Variants in NFYB observed in about 807,000 individuals in gnomAD.
The protein encoded by NFYB is nuclear transcription factor Y subunit beta, also known as CAAT box DNA-binding protein subunit B.
In NFYB, 13 loss-of-function variants were observed where a neutral mutation model predicts 28.0. The observed-to-expected ratio is 0.46, with a 90% confidence interval of 0.30 to 0.74. The LOEUF is 0.74. Ranked by LOEUF, NFYB falls within the 30% of genes least tolerant of loss-of-function variation. The pLI is 0.07. For missense variants in NFYB, 142 were observed against 247.6 expected (o/e 0.57, Z 2.86); for synonymous variants, 74 against 75.0 (o/e 0.99, Z 0.07).
rs2031073628 is a variant in NFYB at position 104,135,652 on chromosome 12, A to G, written c.-79-120T>C. ...GAGGGCTTGTATAATTTTGACTACT[A>G]TTCTTAATCAATGGAGTACATGGTA... On this transcript the variant is annotated intron_variant, in intron 1 of 7. Coordinates refer to ENST00000240055, the MANE Select transcript of NFYB (RefSeq NM_006166.4). 2.1e-5 allele frequency: 9 copies of G among 423,192 alleles called. No homozygotes were observed. In the South Asian group the frequency reaches 3.9e-4, roughly 19 times the overall value. 26.2% of individuals were successfully genotyped at this position (423,192 alleles called of 1,614,324 possible). A position where few individuals can be genotyped will look rare whatever the true frequency, so the allele number is the denominator to read the frequency against.
chr12:104,128,055 G>A (rs1486861838), intron 3 of NFYB, among the ~76,000 whole-genome samples: 3 of 152,004 alleles, frequency 2.0e-5, no homozygotes, highest in African/African-American at 7.3e-5. Flanking sequence ...AATCATAAGT[G>A]CAAGAAATAT....
chr12:104,127,583 TAAAAAAA>T lies in NFYB; in HGVS notation c.100+834_100+840del, dbSNP rs71069718. 8.5e-5 allele frequency among the ~76,000 whole-genome samples: 7 copies of T among 82,482 alleles called. 1 individual carries two copies. The highest frequency in any genetic ancestry group is 2.9e-4 in the African/African-American group (6 of 20,940). 54.1% of individuals were successfully genotyped at this position (82,482 alleles called of 152,430 possible). On this transcript the variant is annotated intron_variant, in intron 3 of 7. Transcript: ENST00000240055. Reference sequence around the variant, plus strand: ...ACTCCATCTCAAAAAAAATAAAAAATAAAAAAAAAAAAAAAATTTTTTTTACAAACCA... The same window carrying T: ...ACTCCATCTCAAAAAAAATAAAAAATAAAAAAAAATTTTTTTTACAAACCA...
chr12:104,136,769 T>G (rs961669394), intron 1 of NFYB, among the ~76,000 whole-genome samples: 15 of 152,234 alleles, frequency 9.9e-5, no homozygotes, highest in African/African-American at 3.4e-4. Flanking sequence ...CCTCATATGG[T>G]GTATATTTTC....
chr12:104,128,484 G>T lies in NFYB; in HGVS notation c.40C>A (p.Gln14Lys). 1 of 1,612,876 alleles carries T rather than the reference G, an allele frequency of 6.2e-7. No individual in the cohort carries two copies. Among genetic ancestry groups the T allele is most frequent in the South Asian group, 1.1e-5 (1 of 90,998 alleles). ...DGDSSTTDASQLGISADYIGG... is the reference protein window; with the variant it reads ...DGDSSTTDASKLGISADYIGG... ...ATATAGTCTGCAGAGATTCCTAGTTGAGAAGCATCTGTTGTAGAACTGTCA... is the reference window on the plus strand; with the variant it reads ...ATATAGTCTGCAGAGATTCCTAGTTTAGAAGCATCTGTTGTAGAACTGTCA... Residue 14 changes from glutamine (Q) to lysine (K), a missense_variant, in exon 3 of 8, where the codon CAA (glutamine) becomes AAA (lysine). By Grantham distance (53) the Gln-to-Lys change is moderately conservative (BLOSUM62 1). Around this residue, in one of 2 missense-constraint regions of NFYB, gnomAD observed 54 missense variants for 58.1 expected, o/e 0.93. Transcript: ENST00000240055.
At position 104,118,024 on chromosome 12, in the gene NFYB, A is replaced by G. The variant is rs761419831; in HGVS notation, c.*1713T>C. 6.6e-6 allele frequency: 1 copy of G among 152,228 alleles called. No individual in the cohort carries two copies. Among genetic ancestry groups the G allele is most frequent in the Non-Finnish European group, 1.5e-5 (1 of 68,038 alleles). The allele number at this position is 152,228 out of a possible 1,614,324, so 9.4% of individuals were successfully genotyped here. A position where few individuals can be genotyped will look rare whatever the true frequency, so the allele number is the denominator to read the frequency against. ...GTCAAAATATCCAATAGAAGATTAA[A>G]TGAATTATGATTGAGTCATACAGCA... On this transcript the variant is annotated 3_prime_UTR_variant, in exon 8 of 8. Transcript: ENST00000240055.
intron 2 of NFYB, among the ~76,000 whole-genome samples, chr12:104,133,635 T>G (rs901362556): frequency 2.6e-5 from 4 of 152,264 alleles, no homozygotes; most frequent in African/African-American, 9.6e-5. Flanking sequence ...AAATGTAATC[T>G]TAGTATTGCC....
intron 4 of NFYB, 105 bp from the exon 5 acceptor site, chr12:104,123,528 C>A (rs944391332): frequency 2.4e-5 from 19 of 796,622 alleles, no homozygotes; most frequent in Non-Finnish European, 3.4e-5. Flanking sequence ...CACTTTATGA[C>A]TATTTAATCT....
intron 1 of NFYB, among the ~76,000 whole-genome samples, 170 bp from the exon 2 acceptor site, chr12:104,135,702 A>C (rs1021341162): frequency 3.3e-5 from 5 of 152,356 alleles, no homozygotes; most frequent in Non-Finnish European, 5.9e-5. Flanking sequence ...AAGGCACCCA[A>C]TAAATGTTTG....
intron 2 of NFYB, among the ~76,000 whole-genome samples, chr12:104,129,524 A>G (rs980306318): frequency 2.0e-5 from 3 of 152,166 alleles, no homozygotes; most frequent in African/African-American, 4.8e-5. Flanking sequence ...AGCCAAAAGT[A>G]CACCCATGTT....
At chr12:104,136,477 TTAAAAG>T (rs1426921348) in intron 1 of NFYB, among the ~76,000 whole-genome samples, 2 of 152,206 alleles carry the variant, frequency 1.3e-5, no homozygotes, top group Non-Finnish European at 2.9e-5. Flanking sequence ...TGCTATAATA[TTAAAAG>T]TAATTTATAA....
intron 6 of NFYB, among the ~76,000 whole-genome samples, chr12:104,120,910 TA>T (rs553073126): frequency 4.6e-5 from 7 of 151,988 alleles, no homozygotes; most frequent in African/African-American, 1.7e-4. Context: ...ATACTCAATT[TA>T]AAAAAAACTG....
chr12:104,119,215 AT>A lies in NFYB; in HGVS notation c.*521del, dbSNP rs2030375380. ...AAACTATTAATGTTTTACCAAAAAA[AT>A]AATAATTTTAATAAATACAGCAAAT... On this transcript the variant is annotated 3_prime_UTR_variant, in exon 8 of 8. Transcript: ENST00000240055. 1.3e-5 allele frequency: 2 copies of A among 152,368 alleles called. No homozygotes were observed. The highest frequency in any genetic ancestry group is 2.1e-4 in the South Asian group (1 of 4,836). The allele number at this position is 152,368 out of a possible 1,614,324, so 9.4% of individuals were successfully genotyped here.
intron 2 of NFYB, chr12:104,131,824 C>G (rs1435009983): frequency 2.2e-6 from 1 of 455,538 alleles, no homozygotes; most frequent in Non-Finnish European, 4.4e-6. Flanking sequence ...GCTTGCAGGA[C>G]AAATGTTACA....
At chr12:104,126,337 C>A (rs2030714367) in intron 3 of NFYB, 93 bp from the exon 4 acceptor site, 2 of 937,996 alleles carry the variant, frequency 2.1e-6, no homozygotes, top group South Asian at 5.4e-5. Context: ...TAAAATCATT[C>A]TGGTTCACCT....
At chr12:104,128,736 A>G in intron 2 of NFYB, 2 of 226,602 alleles carry the variant, frequency 8.8e-6, no homozygotes, top group South Asian at 1.4e-4. Context: ...GCGTGATCAC[A>G]GCTCACTGCA....
chr12:104,137,685 G>C (rs1342357952), intron 1 of NFYB: 2 of 148,892 alleles, frequency 1.3e-5, no homozygotes, highest in African/African-American at 2.4e-5. Flanking sequence ...GGCGGGAGGA[G>C]GGCGCCCCCG....
At chr12:104,123,189 A>AG (rs755532786) in intron 5 of NFYB, 37 bp downstream of exon 5, 25 of 1,495,942 alleles carry the variant, frequency 1.7e-5, no homozygotes, top group Non-Finnish European at 4.6e-6. Flanking sequence ...AAAAAAAAGA[A>AG]GAAAAAAAAA....
intron 3 of NFYB, among the ~76,000 whole-genome samples, chr12:104,127,847 C>A (rs1565825477): frequency 6.6e-6 from 1 of 151,770 alleles, no homozygotes; most frequent in African/African-American, 2.4e-5. Flanking sequence ...CCAAGCACAG[C>A]TAATTTTTTA....
rs547908346 is a variant in NFYB, at chr12:104,118,113, A to G, written c.*1624T>C. On this transcript the variant is annotated 3_prime_UTR_variant, in exon 8 of 8. Coordinates refer to ENST00000240055, the MANE Select transcript of NFYB (RefSeq NM_006166.4). Reference sequence around the variant, plus strand: ...ATGACCTGGAAAAGATGTTCCCAATATATTGTTAAGTGAAAAAAGCAGGTT... The same window carrying G: ...ATGACCTGGAAAAGATGTTCCCAATGTATTGTTAAGTGAAAAAAGCAGGTT... 2.0e-5 allele frequency: 3 copies of G among 152,362 alleles called. No individual in the cohort carries two copies. Among genetic ancestry groups the G allele is most frequent in the Admixed American group, 1.3e-4 (2 of 15,306 alleles). The allele number at this position is 152,362 out of a possible 1,614,324, so 9.4% of individuals were successfully genotyped here.
Sources: gnomAD v4.1 joint callset for allele counts (sites outside exome capture counted in the v4.1 genomes callset) on GRCh38, gnomAD v4.1.1 for gene constraint, gnomAD v4.1.1 regional missense constraint, MANE v1.5 for transcripts, NCBI Gene and HGNC (gene_info 2026-07-23, HGNC 2026-07-21) for gene names.